ARHGAP35: variants seen among roughly 807,000 people sequenced by gnomAD.
The protein encoded by ARHGAP35 is rho GTPase-activating protein 35.
Under a neutral mutation model 111.1 loss-of-function variants are expected in ARHGAP35, and 15 were observed. The ratio of observed to expected loss-of-function variants is 0.13; its 90% confidence interval spans 0.09 to 0.21. The LOEUF is 0.21. Among genes scored for constraint, ARHGAP35 ranks in the 10% least tolerant of loss-of-function variants. The pLI, the probability that ARHGAP35 is intolerant of heterozygous loss-of-function variation, is 1.00. For missense variants in ARHGAP35, 1,262 were observed against 1,873.0 expected, an observed-to-expected ratio of 0.67 and a Z score of 6.02; for synonymous variants, 643 against 710.3, an observed-to-expected ratio of 0.91 and a Z score of 1.51.
rs2056196191 is a variant in ARHGAP35, at chr19:46,921,007, G to A, written c.2332G>A (p.Ala778Thr). The change falls in exon 2 of 7, where the codon GCT (alanine) becomes ACT (threonine). Residue 778 changes from alanine to threonine, a missense_variant. This residue lies in a region of ARHGAP35 where 579 missense variants were observed against 716.9 expected (regional missense o/e 0.81). Transcript: ENST00000672722. The surrounding 1 kb of genome is among the most constrained non-coding windows in gnomAD (Gnocchi z 4.3). ...TTCTACTGCTAGCATCAAAGATTTGGCTGATGTTGATCTGCGAATTGTTAT... is the reference window on the plus strand; with the variant it reads ...TTCTACTGCTAGCATCAAAGATTTGACTGATGTTGATCTGCGAATTGTTAT... ...VSSTASIKDL[A>T]DVDLRIVMCL... The A allele has an allele frequency of 6.2e-7, 1 of 1,613,996 alleles. No homozygotes were observed. The highest frequency in any genetic ancestry group is 8.5e-7 in the Non-Finnish European group (1 of 1,179,900).
rs1161446340 is a variant in ARHGAP35 at position 46,922,272 on chromosome 19, A to G, written c.3597A>G (p.Lys1199=). 1 of 1,613,868 alleles carries G rather than the reference A, an allele frequency of 6.2e-7. No homozygotes were observed. Among genetic ancestry groups the G allele is most frequent in the African/African-American group, 1.3e-5 (1 of 74,934 alleles). The change falls in exon 2 of 7, where the codon AAA becomes AAG. Residue 1199 remains lysine (K), a synonymous_variant. Transcript: ENST00000672722. The surrounding 1 kb of genome is among the most constrained non-coding windows in gnomAD (Gnocchi z 4.0). ...AGGATCAGGCATCCCAGGGTTATAAAGGGGACAATGCTGTCATTCCATACG... is the reference window on the plus strand; with the variant it reads ...AGGATCAGGCATCCCAGGGTTATAAGGGGGACAATGCTGTCATTCCATACG... ...KEEDQASQGY[K]GDNAVIPYET...
At chr19:46,913,240 G>A (rs1856912051) in intron 1 of ARHGAP35, among the ~76,000 whole-genome samples, 1 of 149,902 alleles carries the variant, frequency 6.7e-6, no homozygotes, top group East Asian at 2.0e-4. Flanking sequence ...TTCGGGGAGA[G>A]AGGGATGAGG....
rs551334120 is a variant in ARHGAP35, at chr19:46,920,413, C to T, written c.1738C>T (p.Arg580Trp). Residue 580 changes from arginine to tryptophan, a missense_variant, in exon 2 of 7, where the codon CGG becomes TGG. Arg to Trp is a moderately radical substitution (Grantham distance 101). Around this residue, in one of 8 missense-constraint regions of ARHGAP35, gnomAD observed 328 missense variants for 440.8 expected, o/e 0.74. Transcript: ENST00000672722. The surrounding 1 kb of genome is among the most constrained non-coding windows in gnomAD (Gnocchi z 7.0). ...GCACTTGATTAGTTCTCGGTTTATC[C>T]GGCCGTCTGACCGGAATCAGAAAAA... is the stretch of plus-strand genomic sequence containing the variant. The part of the protein sequence containing the change: ...IEHLISSRFI[R>W]PSDRNQKNSL... 5.6e-6 allele frequency: 9 copies of T among 1,613,830 alleles called. No individual in the cohort carries two copies. The highest frequency in any genetic ancestry group is 2.2e-5 in the East Asian group (1 of 44,880).
In ARHGAP35 at chr19:46,922,413, T is replaced by G; in HGVS notation, c.3681+57T>G. On this transcript the variant is annotated intron_variant, in intron 2 of 6. Transcript: ENST00000672722. The surrounding 1 kb of genome is among the most constrained non-coding windows in gnomAD (Gnocchi z 4.0). ...TTTTGTACAGCGTCTCGGTGAGGGT[T>G]GATTGATGATGATTTTTCAAGGACA... is the stretch of plus-strand genomic sequence containing the variant. The G allele has an allele frequency of 7.1e-7, 1 of 1,411,462 alleles. No individual in the cohort carries two copies. Among genetic ancestry groups the G allele is most frequent in the Non-Finnish European group, 9.3e-7 (1 of 1,071,564 alleles). 87.4% of individuals were successfully genotyped at this position (1,411,462 alleles called of 1,614,324 possible).
At chr19:46,928,229 TA>T (rs555299788) in intron 2 of ARHGAP35, among the ~76,000 whole-genome samples, 209 of 151,724 alleles carry the variant, frequency 1.4e-3, no homozygotes, top group South Asian at 2.7e-3. Flanking sequence ...TACCTGTTCT[TA>T]AAAAAAAATT....
At position 46,999,517 on chromosome 19, in the gene ARHGAP35, C is replaced by A; in HGVS notation, c.4142+108C>A. ...CACAAGCCAGTAGAAGCCTCAGGCC[C>A]TGGCCTGGAAGGGGTGCTGGCTGGC... On this transcript the variant is annotated intron_variant, in intron 6 of 6. Coordinates refer to ENST00000672722, the MANE Select transcript of ARHGAP35 (RefSeq NM_004491.5). The surrounding 1 kb of genome is among the most constrained non-coding windows in gnomAD (Gnocchi z 5.4). The A allele has an allele frequency of 3.9e-6, 3 of 778,088 alleles. No individual in the cohort carries two copies. Among genetic ancestry groups the A allele is most frequent in the Non-Finnish European group, 6.2e-6 (3 of 480,834 alleles). 48.2% of individuals were successfully genotyped at this position (778,088 alleles called of 1,614,324 possible). A position where few individuals can be genotyped will look rare whatever the true frequency, so the allele number is the denominator to read the frequency against.
chr19:46,947,146 A>T (rs1029805338), intron 3 of ARHGAP35: 3 of 152,244 alleles, frequency 2.0e-5, no homozygotes, highest in Admixed American at 6.5e-5. Context: ...TTCACTTACC[A>T]TCTTTTTTGT....
rs2056758801 is a variant in ARHGAP35 at position 47,003,413 on chromosome 19, G to C, written c.*2725G>C. 6.6e-6 allele frequency: 1 copy of C among 152,336 alleles called. No individual in the cohort carries two copies. Among genetic ancestry groups the C allele is most frequent in the African/African-American group, 2.4e-5 (1 of 41,464 alleles). The allele number at this position is 152,336 out of a possible 1,614,324, so 9.4% of individuals were successfully genotyped here. On this transcript the variant is annotated 3_prime_UTR_variant, in exon 7 of 7. Coordinates refer to ENST00000672722, the MANE Select transcript of ARHGAP35 (RefSeq NM_004491.5). ...TGGGGCAGCCACCCCTGCCCAGCGA[G>C]AGCGCAGACACCGTGTGAGGGGACA...
chr19:46,915,713 G>A (rs2056158785), intron 1 of ARHGAP35, among the ~76,000 whole-genome samples: 1 of 152,174 alleles, frequency 6.6e-6, no homozygotes, highest in Non-Finnish European at 1.5e-5. Flanking sequence ...TTGAGAGAAT[G>A]TTCATTTGGC....
rs765524656 is a variant in ARHGAP35 at position 47,000,308 on chromosome 19, A to G, written c.4143-23A>G. 3 of 1,610,574 alleles carry G rather than the reference A, an allele frequency of 1.9e-6. No homozygotes were observed. Among genetic ancestry groups the G allele is most frequent in the African/African-American group, 1.3e-5 (1 of 74,976 alleles). On this transcript the variant is annotated intron_variant, in intron 6 of 6. Coordinates refer to ENST00000672722, the MANE Select transcript of ARHGAP35 (RefSeq NM_004491.5). This position sits in a 1 kb window ranked among gnomAD's most constrained non-coding sequence, Gnocchi z 6.9. ...GGTGGGGCCCTGCACAGTTCTGACC[A>G]TTGAGTTTGGTGTCGCCCGCAGGGT...
chr19:46,923,102 CTT>C (rs397976247), intron 2 of ARHGAP35, among the ~76,000 whole-genome samples: 6 of 123,650 alleles, frequency 4.9e-5, no homozygotes, highest in East Asian at 2.3e-4. Context: ...AATGAAGTCT[CTT>C]TTTTTTTTTT....
chr19:46,984,979 C>T (rs1399665192), intron 3 of ARHGAP35, among the ~76,000 whole-genome samples: 2 of 152,220 alleles, frequency 1.3e-5, no homozygotes, highest in African/African-American at 2.4e-5. Flanking sequence ...CCTCTCTACA[C>T]TGAGACTCAG....
intron 1 of ARHGAP35, among the ~76,000 whole-genome samples, chr19:46,893,380 G>GGT (rs1038258001): frequency 1.3e-5 from 2 of 152,052 alleles, no homozygotes; most frequent in African/African-American, 4.8e-5. Flanking sequence ...CCGTATACCA[G>GGT]GTACTACTCT....
At chr19:46,958,403 T>C (rs967323639) in intron 3 of ARHGAP35, among the ~76,000 whole-genome samples, 1 of 145,502 alleles carries the variant, frequency 6.9e-6, no homozygotes, top group Non-Finnish European at 1.5e-5. Flanking sequence ...AAAAAAAAAG[T>C]GTATGGTTTA....
intron 1 of ARHGAP35, among the ~76,000 whole-genome samples, chr19:46,883,782 C>T (rs538058833): frequency 6.6e-6 from 1 of 152,080 alleles, no homozygotes; most frequent in African/African-American, 2.4e-5. Context: ...TGGTCAGGTG[C>T]GGTGGCTCAC....
At chr19:46,939,482 T>C (rs1451254026) in intron 3 of ARHGAP35, among the ~76,000 whole-genome samples, 1 of 152,172 alleles carries the variant, frequency 6.6e-6, no homozygotes, top group East Asian at 1.9e-4. Flanking sequence ...CGATCTAGAC[T>C]CACTGCAACC....
rs2056191673 is a variant in ARHGAP35 at position 46,920,422 on chromosome 19, G to A, written c.1747G>A (p.Asp583Asn). 1 of 1,613,664 alleles carries A rather than the reference G, an allele frequency of 6.2e-7. No homozygotes were observed. Among genetic ancestry groups the A allele is most frequent in the African/African-American group, 1.3e-5 (1 of 74,936 alleles). Residue 583 changes from aspartate to asparagine, a missense_variant, in exon 2 of 7, where the codon GAC becomes AAC. This residue lies in a region of ARHGAP35 where 328 missense variants were observed against 440.8 expected (regional missense o/e 0.74). Coordinates refer to ENST00000672722, the MANE Select transcript of ARHGAP35 (RefSeq NM_004491.5). This position sits in a 1 kb window ranked among gnomAD's most constrained non-coding sequence, Gnocchi z 7.0. The part of the protein sequence containing the change: ...LISSRFIRPS[D>N]RNQKNSLSDP... ...TAGTTCTCGGTTTATCCGGCCGTCTGACCGGAATCAGAAAAATTCACTCTC... is the reference window on the plus strand; with the variant it reads ...TAGTTCTCGGTTTATCCGGCCGTCTAACCGGAATCAGAAAAATTCACTCTC...
chr19:46,933,735 C>A (rs2056287351), intron 2 of ARHGAP35, among the ~76,000 whole-genome samples: 1 of 152,092 alleles, frequency 6.6e-6, no homozygotes, highest in Non-Finnish European at 1.5e-5. Context: ...GCAGGAGGGT[C>A]CCTTGAGCCC....
chr19:46,989,694 G>T lies in ARHGAP35; in HGVS notation c.4036+19G>T, dbSNP rs779541850. ...GCACACAGTGAGTACCGGCAGCCCAGTGTTGGGCGGATTGAGGGAGAAAGG... is the reference window on the plus strand; with the variant it reads ...GCACACAGTGAGTACCGGCAGCCCATTGTTGGGCGGATTGAGGGAGAAAGG... On this transcript the variant is annotated intron_variant, in intron 5 of 6. Coordinates refer to ENST00000672722, the MANE Select transcript of ARHGAP35 (RefSeq NM_004491.5). This position sits in a 1 kb window ranked among gnomAD's most constrained non-coding sequence, Gnocchi z 5.3. 2.5e-6 allele frequency: 4 copies of T among 1,613,360 alleles called. No homozygotes were observed. The highest frequency in any genetic ancestry group is 3.4e-6 in the Non-Finnish European group (4 of 1,179,662).
Sources: allele counts gnomAD v4.1 joint callset (sites outside exome capture counted in the v4.1 genomes callset), GRCh38; gene constraint gnomAD v4.1.1; regional missense constraint gnomAD v4.1.1; non-coding constraint Gnocchi (gnomAD v3.1); transcripts MANE v1.5; gene names NCBI Gene and HGNC (gene_info 2026-07-23, HGNC 2026-07-21).